KCNQ2: variants seen among roughly 807,000 people sequenced by gnomAD.
The protein encoded by KCNQ2 is potassium voltage-gated channel subfamily Q member 2, also known as potassium voltage-gated channel subfamily KQT member 2.
KCNQ2 carries 14 observed loss-of-function variants against 84.8 expected under a neutral mutation model. The ratio of observed to expected loss-of-function variants is 0.17; its 90% CI spans 0.11 to 0.26. KCNQ2 has a LOEUF of 0.26. Ranked by LOEUF, KCNQ2 falls within the 10% of genes least tolerant of loss-of-function variation. The pLI, the probability that KCNQ2 is intolerant of heterozygous loss-of-function variation, is 1.00. For missense variants in KCNQ2, 788 were observed against 1,254.0 expected (o/e 0.63, Z 5.61); for synonymous variants, 599 against 554.1 (o/e 1.08, Z -1.14).
In KCNQ2 at chr20:63,439,642, C is replaced by A. The variant is rs2081099546; in HGVS notation, c.883G>T (p.Ala295Ser). 6.2e-7 allele frequency: 1 copy of A among 1,613,588 alleles called. No homozygotes were observed. The highest frequency in any genetic ancestry group is 8.5e-7 in the Non-Finnish European group (1 of 1,180,004). Residue 295 changes from alanine to serine, a missense_variant, in exon 6 of 17, where the codon GCA becomes TCA. By Grantham distance (99) the Ala-to-Ser change is moderately conservative. This residue lies in a region of KCNQ2 where 18 missense variants were observed against 166.0 expected (regional missense o/e 0.11). Transcript: ENST00000359125. ...GAGACACCGATGAGGGTGAAGGTTGCCGCAAGGAGCCTGCCGTTCCAGGTC... is the reference window on the plus strand; with the variant it reads ...GAGACACCGATGAGGGTGAAGGTTGACGCAAGGAGCCTGCCGTTCCAGGTC... Reference protein sequence around the residue: ...PQTWNGRLLAATFTLIGVSFF... With the variant: ...PQTWNGRLLASTFTLIGVSFF...
At chr20:63,432,664 ACAGAGAAGGCCCCACCCT>A (rs2080853268) in intron 8 of KCNQ2, among the ~76,000 whole-genome samples, 2 of 129,996 alleles carry the variant, frequency 1.5e-5, no homozygotes, top group Non-Finnish European at 3.2e-5. Flanking sequence ...GGATCCACCC[ACAGAGAAGGCCCCACCCT>A]CAGGGAAGGC....
intron 10 of KCNQ2, among the ~76,000 whole-genome samples, chr20:63,426,162 G>A (rs2080628491): frequency 6.6e-6 from 1 of 152,216 alleles, no homozygotes. Context: ...TTCGTCCAAC[G>A]CTGTCTCTGC....
chr20:63,433,954 C>T, intron 7 of KCNQ2, 51 bp from the exon 8 acceptor site: 2 of 1,549,352 alleles, frequency 1.3e-6, no homozygotes, highest in Non-Finnish European at 1.8e-6. Context: ...GCGAGGGGCG[C>T]GCCCAGGAGG....
chr20:63,440,682 G>C (rs972844831), intron 5 of KCNQ2, among the ~76,000 whole-genome samples: 12 of 152,214 alleles, frequency 7.9e-5, no homozygotes, highest in African/African-American at 2.7e-4. Context: ...TTTACCCTGG[G>C]TTCCGAGGAC....
intron 4 of KCNQ2, among the ~76,000 whole-genome samples, chr20:63,443,025 T>C (rs1341220670): frequency 2.1e-3 from 59 of 28,070 alleles, no homozygotes; most frequent in East Asian, 2.8e-3. Flanking sequence ...ACCACCACCA[T>C]CACATCACCA....
intron 11 of KCNQ2, among the ~76,000 whole-genome samples, chr20:63,420,592 C>A (rs1243355808): frequency 6.6e-6 from 1 of 152,162 alleles, no homozygotes; most frequent in Non-Finnish European, 1.5e-5. Context: ...AGCCTCCCGT[C>A]TTCCTGCGCA....
intron 1 of KCNQ2, among the ~76,000 whole-genome samples, chr20:63,465,389 G>A (rs535127002): frequency 7.4e-4 from 113 of 152,250 alleles, no homozygotes; most frequent in African/African-American, 2.1e-3. Context: ...TGTGCTGGCC[G>A]CCTCCCTCAC....
chr20:63,415,994 G>A (rs1156256621), intron 12 of KCNQ2, among the ~76,000 whole-genome samples: 1 of 152,214 alleles, frequency 6.6e-6, no homozygotes, highest in African/African-American at 2.4e-5. Flanking sequence ...CCCACCCCGG[G>A]GGCCTGCCTG....
At chr20:63,469,593 T>G (rs2082160348) in intron 1 of KCNQ2, among the ~76,000 whole-genome samples, 1 of 152,206 alleles carries the variant, frequency 6.6e-6, no homozygotes. Flanking sequence ...TTCTCACAAC[T>G]TGACCTCTCC....
At chr20:63,412,631 TGGA>T (rs1375307074) in intron 15 of KCNQ2, among the ~76,000 whole-genome samples, 1 of 152,154 alleles carries the variant, frequency 6.6e-6, no homozygotes, top group Non-Finnish European at 1.5e-5. Flanking sequence ...TCACTCCCAC[TGGA>T]GGGCCCGGAG....
intron 12 of KCNQ2, among the ~76,000 whole-genome samples, chr20:63,415,338 G>A (rs1342777796): frequency 6.9e-6 from 1 of 145,018 alleles, no homozygotes; most frequent in African/African-American, 2.6e-5. Context: ...CACGGGGACC[G>A]AGCACCCGGT....
At chr20:63,434,043 G>A (rs960011097) in intron 7 of KCNQ2, 140 bp from the exon 8 acceptor site, 16 of 685,744 alleles carry the variant, frequency 2.3e-5, no homozygotes, top group African/African-American at 1.4e-4. Context: ...CAGCAGGCCA[G>A]GCCCCAGTGC....
chr20:63,428,683 G>C (rs975857065), intron 9 of KCNQ2, among the ~76,000 whole-genome samples: 1 of 152,192 alleles, frequency 6.6e-6, no homozygotes. Flanking sequence ...AGGGACAGCA[G>C]GGAGGAGGGA....
rs1474329265 is a variant in KCNQ2, at chr20:63,433,920, A to AAGGCAGTTGGCGAG, written c.1024-31_1024-18dup. On this transcript the variant is annotated splice_polypyrimidine_tract_variant and intron_variant, in intron 7 of 16. Coordinates refer to ENST00000359125, the MANE Select transcript of KCNQ2 (RefSeq NM_172107.4). ...CCAGGCCGACTGCGGAGGGAAAGAC[A>AAGGCAGTTGGCGAG]AGGCAGTTGGCGAGGGGCAGGCGGC... is the stretch of plus-strand genomic sequence containing the variant. The AAGGCAGTTGGCGAG allele has an allele frequency of 6.2e-7, 1 of 1,611,530 alleles. No individual in the cohort carries two copies. The highest frequency in any genetic ancestry group is 1.3e-5 in the African/African-American group (1 of 75,002).
intron 10 of KCNQ2, among the ~76,000 whole-genome samples, chr20:63,427,728 C>T (rs1036370994): frequency 1.3e-5 from 2 of 152,216 alleles, no homozygotes; most frequent in African/African-American, 4.8e-5. Context: ...GGACTCAGGG[C>T]CCGCCCGGAA....
intron 1 of KCNQ2, chr20:63,453,618 G>GT (rs2081682209): frequency 6.6e-6 from 1 of 152,568 alleles, no homozygotes; most frequent in African/African-American, 2.4e-5. Context: ...CGGGGACACA[G>GT]AGGGCATCAC....
Position 63,414,043 on chromosome 20 carries a change from GC to G in KCNQ2, c.1631+44del. ...AGCAGGCAGGACCACCGAGCGGGAG[GC>G]CCCTCCTCACTCCCCCAGGCTCCCG... On this transcript the variant is annotated intron_variant, in intron 14 of 16. Coordinates refer to ENST00000359125, the MANE Select transcript of KCNQ2 (RefSeq NM_172107.4). The surrounding 1 kb of genome is among the most constrained non-coding windows in gnomAD (Gnocchi z 6.6). The G allele has an allele frequency of 7.0e-7, 1 of 1,428,372 alleles. No individual in the cohort carries two copies. Among genetic ancestry groups the G allele is most frequent in the Non-Finnish European group, 9.9e-7 (1 of 1,011,806 alleles). 88.5% of individuals were successfully genotyped at this position (1,428,372 alleles called of 1,614,324 possible). A position where few individuals can be genotyped will look rare whatever the true frequency, so the allele number is the denominator to read the frequency against.
chr20:63,441,683 G>A (rs1423188666), intron 5 of KCNQ2, among the ~76,000 whole-genome samples: 3 of 152,132 alleles, frequency 2.0e-5, no homozygotes, highest in African/African-American at 7.2e-5. Flanking sequence ...TCATCTGTAT[G>A]GTCCACAGCC....
At chr20:63,410,838 G>A (rs1568869674) in intron 15 of KCNQ2, among the ~76,000 whole-genome samples, 1 of 152,182 alleles carries the variant, frequency 6.6e-6, no homozygotes, top group Non-Finnish European at 1.5e-5. Context: ...CCCAGAAACT[G>A]TCTGCCCTGA....
Sources: gnomAD v4.1 joint callset for allele counts (sites outside exome capture counted in the v4.1 genomes callset) on GRCh38, gnomAD v4.1.1 for gene constraint, gnomAD v4.1.1 regional missense constraint, Gnocchi (gnomAD v3.1) non-coding constraint, MANE v1.5 for transcripts, NCBI Gene and HGNC (gene_info 2026-07-23, HGNC 2026-07-21) for gene names.